Variants in PIGK observed in about 807,000 individuals in gnomAD.
The protein encoded by PIGK is GPI-anchor transamidase.
Under a neutral mutation model 50.6 loss-of-function variants are expected in PIGK, and 42 were observed. The ratio of observed to expected loss-of-function variants is 0.83; its 90% CI spans 0.65 to 1.07. PIGK has a LOEUF of 1.07. Ranked by LOEUF, PIGK falls within the 50% of genes least tolerant of loss-of-function variation. The probability of loss-of-function intolerance (pLI) is 0.00; values close to 1 mark genes in which losing one functional copy is unlikely to be tolerated. For synonymous variants in PIGK, 151 were observed against 156.0 expected, an observed-to-expected ratio of 0.97 and a Z score of 0.24; for missense variants, 448 against 488.7, an observed-to-expected ratio of 0.92 and a Z score of 0.78.
chr1:77,194,101 A>G (rs996237961), intron 3 of PIGK, among the ~76,000 whole-genome samples: 4 of 152,228 alleles, frequency 2.6e-5, no homozygotes, highest in Admixed American at 1.3e-4. Flanking sequence ...ATCACTAATC[A>G]TTAGAGAAAT....
At chr1:77,216,151 C>G (rs1471670622) in intron 1 of PIGK, among the ~76,000 whole-genome samples, 1 of 152,084 alleles carries the variant, frequency 6.6e-6, no homozygotes, top group Non-Finnish European at 1.5e-5. Flanking sequence ...ATGCTGATTA[C>G]TCTGATTTGA....
chr1:77,120,406 C>CA (rs1654070811), intron 10 of PIGK, among the ~76,000 whole-genome samples: 1 of 152,002 alleles, frequency 6.6e-6, no homozygotes. Flanking sequence ...TACTTGTAGA[C>CA]ATAGGGTTTT....
chr1:77,174,649 GA>G (rs1353559372), intron 3 of PIGK, among the ~76,000 whole-genome samples: 1 of 152,126 alleles, frequency 6.6e-6, no homozygotes, highest in African/African-American at 2.4e-5. Flanking sequence ...AGAAGTTATG[GA>G]AATGTCCCCA....
rs530522337 is a variant in PIGK at position 77,166,222 on chromosome 1, T to C, written c.487+497A>G. 3.9e-5 allele frequency among the ~76,000 whole-genome samples: 6 copies of C among 152,334 alleles called. No homozygotes were observed. The South Asian group carries it at 1.0e-3, about 26-fold the overall frequency. On this transcript the variant is annotated intron_variant, in intron 5 of 10. Coordinates refer to ENST00000370812, the MANE Select transcript of PIGK (RefSeq NM_005482.3). ...TCAAAGTATAATCAAAAGACTACTGTATCTCATATCTGAGGAGTATATCCA... is the reference window on the plus strand; with the variant it reads ...TCAAAGTATAATCAAAAGACTACTGCATCTCATATCTGAGGAGTATATCCA...
Position 77,092,316 on chromosome 1 carries a change from G to T in PIGK, c.*58C>A. 1 of 726,212 alleles carries T rather than the reference G, an allele frequency of 1.4e-6. No individual in the cohort carries two copies. The highest frequency in any genetic ancestry group is 1.8e-5 in the South Asian group (1 of 55,352). 45.0% of individuals were successfully genotyped at this position (726,212 alleles called of 1,614,324 possible). On this transcript the variant is annotated 3_prime_UTR_variant, in exon 11 of 11. Coordinates refer to ENST00000370812, the MANE Select transcript of PIGK (RefSeq NM_005482.3). Reference sequence around the variant, plus strand: ...AAACACATTTTTAAAAATATATAATGACATAAATTATTATCCAAGTTTGCA... The same window carrying T: ...AAACACATTTTTAAAAATATATAATTACATAAATTATTATCCAAGTTTGCA...
intron 3 of PIGK, among the ~76,000 whole-genome samples, chr1:77,195,965 T>C (rs1374234221): frequency 1.3e-5 from 2 of 152,126 alleles, no homozygotes; most frequent in Non-Finnish European, 2.9e-5. Context: ...AGGTAGTTTT[T>C]CAGCCTTTGC....
At chr1:77,202,791 C>T (rs939895761) in intron 3 of PIGK, among the ~76,000 whole-genome samples, 12 of 152,298 alleles carry the variant, frequency 7.9e-5, no homozygotes, top group African/African-American at 2.6e-4. Context: ...CTCACATCCA[C>T]CCAACCTGTA....
chr1:77,147,053 G>GA, intron 9 of PIGK, among the ~76,000 whole-genome samples: 1 of 151,548 alleles, frequency 6.6e-6, no homozygotes, highest in Non-Finnish European at 1.5e-5. Context: ...AGACTGGGAA[G>GA]AAAAATAGGT....
At chr1:77,143,249 C>T (rs1368389483) in intron 9 of PIGK, among the ~76,000 whole-genome samples, 1 of 151,992 alleles carries the variant, frequency 6.6e-6, no homozygotes, top group Non-Finnish European at 1.5e-5. Context: ...TTTTTTGACC[C>T]TTCAATTTCT....
chr1:77,110,258 A>G (rs1653805945), intron 10 of PIGK, among the ~76,000 whole-genome samples: 1 of 152,190 alleles, frequency 6.6e-6, no homozygotes, highest in African/African-American at 2.4e-5. Context: ...GGAAAAAACT[A>G]CTTTAAAGTT....
At chr1:77,103,808 G>C (rs1422840462) in intron 10 of PIGK, among the ~76,000 whole-genome samples, 3 of 152,050 alleles carry the variant, frequency 2.0e-5, no homozygotes, top group Non-Finnish European at 4.4e-5. Context: ...ATCTACCTGC[G>C]TTTTTGGCAG....
intron 9 of PIGK, among the ~76,000 whole-genome samples, chr1:77,146,995 G>C (rs1163429514): frequency 6.6e-6 from 1 of 151,860 alleles, no homozygotes; most frequent in Non-Finnish European, 1.5e-5. Context: ...AAGGAGGGGA[G>C]GGGAGGTGCA....
In PIGK at chr1:77,154,607, G is replaced by T; in HGVS notation, c.828C>A (p.Pro276=). The stretch of plus-strand genomic sequence containing the variant: ...CAGGAGTAGACACACACAGACTTTT[G>T]GGACATACCTGAAACTGAAAAAATA... ...TNMNDLFQVC[P]KSLCVSTPGH... is the part of the protein sequence containing the mutation. The change falls in exon 9 of 11, where the codon CCC becomes CCA. Residue 276 remains proline (P), a synonymous_variant. Transcript: ENST00000370812. The T allele has an allele frequency of 6.2e-7, 1 of 1,609,278 alleles. No individual in the cohort carries two copies. Among genetic ancestry groups the T allele is most frequent in the East Asian group, 2.2e-5 (1 of 44,796 alleles).
chr1:77,130,061 A>C (rs2100534390), intron 9 of PIGK, among the ~76,000 whole-genome samples: 1 of 150,966 alleles, frequency 6.6e-6, no homozygotes, highest in Admixed American at 6.6e-5. Context: ...TTTTTCTTCT[A>C]TTTGGTTTGT....
chr1:77,110,666 A>G (rs1653819402), intron 10 of PIGK, among the ~76,000 whole-genome samples: 1 of 152,236 alleles, frequency 6.6e-6, no homozygotes, highest in Admixed American at 6.5e-5. Flanking sequence ...CATAGAAGAA[A>G]ACCTAGGCAA....
intron 9 of PIGK, among the ~76,000 whole-genome samples, chr1:77,136,439 G>C (rs1269193789): frequency 6.8e-6 from 1 of 146,234 alleles, no homozygotes; most frequent in Non-Finnish European, 1.5e-5. Context: ...TGAGGCAGGA[G>C]AACGGCGTGA....
chr1:77,097,292 T>G (rs1204473340), intron 10 of PIGK, among the ~76,000 whole-genome samples: 1 of 152,092 alleles, frequency 6.6e-6, no homozygotes, highest in Non-Finnish European at 1.5e-5. Context: ...AGGAATTGCT[T>G]TCAAGGAAAT....
At chr1:77,161,164 A>C in intron 8 of PIGK, 131 bp downstream of exon 8, 1 of 621,344 alleles carries the variant, frequency 1.6e-6, no homozygotes, top group Non-Finnish European at 2.9e-6. Flanking sequence ...AAAGGTAGAT[A>C]TCAAATAGTT....
intron 3 of PIGK, among the ~76,000 whole-genome samples, chr1:77,174,776 T>C (rs764946004): frequency 6.6e-6 from 1 of 152,214 alleles, no homozygotes; most frequent in Non-Finnish European, 1.5e-5. Flanking sequence ...CTATTTTTCC[T>C]TCCAGCTGTG....
Sources: gnomAD v4.1 joint callset for allele counts (sites outside exome capture counted in the v4.1 genomes callset) on GRCh38, gnomAD v4.1.1 for gene constraint, MANE v1.5 for transcripts, NCBI Gene and HGNC (gene_info 2026-07-23, HGNC 2026-07-21) for gene names.